Variants in PCLO observed in about 807,000 individuals in gnomAD.
PCLO encodes piccolo presynaptic cytomatrix protein, also known as protein piccolo.
Under a neutral mutation model 427.5 loss-of-function variants are expected in PCLO, and 82 were observed. The ratio of observed to expected loss-of-function variants is 0.19; its 90% CI spans 0.16 to 0.23. The LOEUF is 0.23. PCLO is among the 10% of genes least tolerant of loss of function. The pLI, the probability that PCLO is intolerant of heterozygous loss-of-function variation, is 1.00. For synonymous variants in PCLO, 2,357 were observed against 2,155.4 expected (o/e 1.09, Z -2.59); for missense variants, 6,239 against 6,115.9 (o/e 1.02, Z -0.67).
chr7:82,965,970 T>C lies in PCLO; in HGVS notation c.3818A>G (p.Glu1273Gly). Residue 1273 changes from glutamate (E) to glycine (G), a missense_variant, in exon 4 of 25, where the codon GAA becomes GGA. Coordinates refer to ENST00000333891, the MANE Select transcript of PCLO (RefSeq NM_033026.6). ...DLLKSQVQIAEEKLEGRVAPK... is the reference protein window; with the variant it reads ...DLLKSQVQIAGEKLEGRVAPK... ...AGCCACTCTGCCTTCAAGCTTTTCTTCAGCAATTTGTACTTGAGATTTAAG... is the reference window on the plus strand; with the variant it reads ...AGCCACTCTGCCTTCAAGCTTTTCTCCAGCAATTTGTACTTGAGATTTAAG... 1 of 1,613,908 alleles carries C rather than the reference T, an allele frequency of 6.2e-7. No homozygotes were observed. Among genetic ancestry groups the C allele is most frequent in the Non-Finnish European group, 8.5e-7 (1 of 1,179,874 alleles).
chr7:83,084,634 G>A (rs1790185044), intron 3 of PCLO, among the ~76,000 whole-genome samples: 1 of 152,154 alleles, frequency 6.6e-6, no homozygotes, highest in African/African-American at 2.4e-5. Context: ...AGTAAGTTCA[G>A]TGTACCTCAT....
intron 9 of PCLO, among the ~76,000 whole-genome samples, chr7:82,887,086 G>T (rs961794837): frequency 3.3e-5 from 5 of 152,102 alleles, no homozygotes; most frequent in Admixed American, 1.3e-4. Flanking sequence ...CTATGTGTCT[G>T]ACACTATCCC....
rs1249320463 is a variant in PCLO, at chr7:83,162,536, G to A, written c.57C>T (p.Ala19=). 2 of 1,554,202 alleles carry A rather than the reference G, an allele frequency of 1.3e-6. No individual in the cohort carries two copies. The highest frequency in any genetic ancestry group is 8.7e-7 in the Non-Finnish European group (1 of 1,150,182). ...GEGLPEGLAA[A]AAAGGGASGA... ...CGCTAGCTCCTCCTCCAGCCGCTGC[G>A]GCCGCCGCCAGCCCTTCGGGGAGCC... Residue 19 remains alanine, a synonymous_variant, in exon 1 of 25, where the codon GCC becomes GCT. Coordinates refer to ENST00000333891, the MANE Select transcript of PCLO (RefSeq NM_033026.6).
chr7:83,135,809 A>G (rs1791712978), intron 2 of PCLO, among the ~76,000 whole-genome samples, 153 bp from the exon 3 acceptor site: 1 of 152,180 alleles, frequency 6.6e-6, no homozygotes, highest in Non-Finnish European at 1.5e-5. Context: ...ATATTAAAAT[A>G]TAATTAATTG....
chr7:83,157,199 A>G (rs1792323798), intron 1 of PCLO, among the ~76,000 whole-genome samples: 1 of 152,182 alleles, frequency 6.6e-6, no homozygotes. Flanking sequence ...TCCTTATGAA[A>G]CATTACAGAA....
intron 3 of PCLO, among the ~76,000 whole-genome samples, chr7:82,971,261 T>A (rs1270492985): frequency 6.6e-6 from 1 of 151,758 alleles, no homozygotes; most frequent in Admixed American, 6.6e-5. Context: ...TAGCCAGATA[T>A]AGCATTAACT....
chr7:82,836,409 G>A (rs79288570), intron 15 of PCLO, among the ~76,000 whole-genome samples: 2,683 of 152,164 alleles, frequency 0.018, 89 homozygotes, highest in African/African-American at 0.061. Context: ...GTTGTTGTTA[G>A]ACTCTAAAAG....
At chr7:82,786,331 AAAAC>A (rs150329327) in intron 22 of PCLO, among the ~76,000 whole-genome samples, 52,724 of 151,722 alleles carry the variant, frequency 0.35, 9,574 homozygotes, top group African/African-American at 0.42. Flanking sequence ...ATCCTCTAGC[AAAAC>A]AAACAAACAA....
At chr7:83,151,560 T>C (rs1015594848) in intron 2 of PCLO, among the ~76,000 whole-genome samples, 8 of 152,210 alleles carry the variant, frequency 5.3e-5, no homozygotes, top group Admixed American at 2.0e-4. Flanking sequence ...ATGCCTTCCT[T>C]TACATAGCTA....
chr7:82,971,414 G>A (rs934980981), intron 3 of PCLO, among the ~76,000 whole-genome samples: 1 of 150,818 alleles, frequency 6.6e-6, no homozygotes, highest in African/African-American at 2.4e-5. Flanking sequence ...GTGTATGTGT[G>A]TGTGTATATA....
chr7:83,096,557 C>T (rs1022960918), intron 3 of PCLO, among the ~76,000 whole-genome samples: 5 of 150,974 alleles, frequency 3.3e-5, no homozygotes, highest in Non-Finnish European at 5.9e-5. Context: ...AGGGGATACA[C>T]GCTATGTATG....
At chr7:83,062,546 G>A (rs1356752410) in intron 3 of PCLO, among the ~76,000 whole-genome samples, 1 of 152,048 alleles carries the variant, frequency 6.6e-6, no homozygotes, top group African/African-American at 2.4e-5. Flanking sequence ...AGCAAAAACA[G>A]CTCTGCCAAT....
chr7:82,871,953 C>T (rs748716529), intron 10 of PCLO, among the ~76,000 whole-genome samples: 7 of 151,744 alleles, frequency 4.6e-5, no homozygotes, highest in Admixed American at 4.6e-4. Flanking sequence ...ACCACAGATA[C>T]ATTAAAAACA....
intron 6 of PCLO, among the ~76,000 whole-genome samples, chr7:82,936,813 C>A (rs539878330): frequency 6.6e-5 from 10 of 151,684 alleles, no homozygotes; most frequent in Admixed American, 2.6e-4. Context: ...TGGAATTCAA[C>A]TATTTAAAGA....
chr7:83,116,325 C>T (rs1205102146), intron 3 of PCLO, among the ~76,000 whole-genome samples: 1 of 152,082 alleles, frequency 6.6e-6, no homozygotes, highest in Non-Finnish European at 1.5e-5. Context: ...GTAACCCACA[C>T]ATAATGCAGC....
chr7:83,105,355 T>C (rs1425616790), intron 3 of PCLO, among the ~76,000 whole-genome samples: 1 of 152,164 alleles, frequency 6.6e-6, no homozygotes, highest in Non-Finnish European at 1.5e-5. Context: ...ATTGCTACAG[T>C]AAGTCAAGTT....
chr7:82,954,505 T>C lies in PCLO; in HGVS notation c.6448A>G (p.Thr2150Ala), dbSNP rs1330104175. ...EIEDEYVTDYTREIQEIIAHE... is the reference protein window; with the variant it reads ...EIEDEYVTDYAREIQEIIAHE... ...GCAATTATCTCTTGAATTTCTCTTG[T>C]ATAATCGGTTACATATTCATCCTCA... Residue 2150 changes from threonine (T) to alanine (A), a missense_variant, in exon 5 of 25, where the codon ACA (threonine) becomes GCA (alanine). By Grantham distance (58) the Thr-to-Ala change is moderately conservative. Around this residue, in one of 5 missense-constraint regions of PCLO, gnomAD observed 4,677 missense variants for 4,468.4 expected, o/e 1.05. Transcript: ENST00000333891. 6 of 1,613,838 alleles carry C rather than the reference T, an allele frequency of 3.7e-6. No individual in the cohort carries two copies. Among genetic ancestry groups the C allele is most frequent in the Non-Finnish European group, 5.1e-6 (6 of 1,179,854 alleles).
rs188536905 is a variant in PCLO at position 82,957,529 on chromosome 7, T to G, written c.4018-594A>C. The stretch of plus-strand genomic sequence containing the variant: ...AAGGCACTGCTTTTAAGAGACATTT[T>G]GAAAGTTATGAAACACTATATATAC... On this transcript the variant is annotated intron_variant, in intron 4 of 24. Coordinates refer to ENST00000333891, the MANE Select transcript of PCLO (RefSeq NM_033026.6). Among the ~76,000 whole-genome samples the G allele has an allele frequency of 2.4e-3, 361 of 152,348 alleles. 1 individual carries two copies. Among genetic ancestry groups the G allele is most frequent in the African/African-American group, 8.0e-3 (331 of 41,580 alleles).
At chr7:83,156,567 T>C (rs1313937279) in intron 1 of PCLO, among the ~76,000 whole-genome samples, 175 bp from the exon 2 acceptor site, 2 of 151,922 alleles carry the variant, frequency 1.3e-5, no homozygotes, top group Non-Finnish European at 2.9e-5. Flanking sequence ...AATGCTTTTT[T>C]TTCTTTCTTT....
Sources: allele counts gnomAD v4.1 joint callset (sites outside exome capture counted in the v4.1 genomes callset), GRCh38; gene constraint gnomAD v4.1.1; regional missense constraint gnomAD v4.1.1; transcripts MANE v1.5; gene names NCBI Gene and HGNC (gene_info 2026-07-23, HGNC 2026-07-21).